Variants in PCDHA4 observed in about 807,000 individuals in gnomAD.
The protein encoded by PCDHA4 is protocadherin alpha-4.
A neutral mutation model predicts 61.4 loss-of-function variants in PCDHA4; 49 were observed. That is an observed-to-expected ratio of 0.80 (90% confidence interval 0.63 to 1.01). The LOEUF (loss-of-function observed/expected upper bound fraction) is 1.01. Ranked by LOEUF, PCDHA4 falls within the 50% of genes least tolerant of loss-of-function variation. The probability of loss-of-function intolerance (pLI) is 0.00; values close to 1 mark genes in which losing one functional copy is unlikely to be tolerated. For missense variants in PCDHA4, 1,254 were observed against 1,235.8 expected (o/e 1.01, Z -0.22); for synonymous variants, 590 against 550.3 (o/e 1.07, Z -1.01).
intron 3 of PCDHA4, among the ~76,000 whole-genome samples, chr5:140,988,690 C>T (rs1286168942): frequency 2.6e-5 from 4 of 152,148 alleles, no homozygotes; most frequent in South Asian, 2.1e-4. Flanking sequence ...TTTCCCTAGA[C>T]GCTCTGTATT....
intron 1 of PCDHA4, chr5:140,841,116 TA>T: frequency 1.6e-6 from 1 of 615,476 alleles, no homozygotes; most frequent in Non-Finnish European, 2.8e-6. Flanking sequence ...GTAATTCATG[TA>T]ATCATTACCT....
chr5:140,996,587 C>T (rs1260417239), intron 3 of PCDHA4, among the ~76,000 whole-genome samples: 4 of 151,994 alleles, frequency 2.6e-5, no homozygotes, highest in South Asian at 2.1e-4. Context: ...TAACAAGGGC[C>T]GCCTCCCCCC....
rs918123295 is a variant in PCDHA4 at position 140,807,354 on chromosome 5, T to C, written c.167T>C (p.Leu56Pro). ...ATCGCGCAGGACCTGGGACTGGAGC[T>C]GGCGGAGCTGGTGCCGCGCCTGTTC... Reference protein sequence around the residue: ...GRIAQDLGLELAELVPRLFRV... With the variant: ...GRIAQDLGLEPAELVPRLFRV... Residue 56 changes from leucine (L) to proline (P), a missense_variant, in exon 1 of 4, where the codon CTG (leucine) becomes CCG (proline). Leu to Pro is a moderately conservative substitution (Grantham distance 98, BLOSUM62 -3). Coordinates refer to ENST00000530339, the MANE Select transcript of PCDHA4 (RefSeq NM_018907.4). The C allele has an allele frequency of 1.2e-6, 2 of 1,610,696 alleles. No individual in the cohort carries two copies. Among genetic ancestry groups the C allele is most frequent in the African/African-American group, 2.7e-5 (2 of 74,298 alleles).
At chr5:140,909,866 A>G (rs1203006388) in intron 1 of PCDHA4, among the ~76,000 whole-genome samples, 2 of 152,212 alleles carry the variant, frequency 1.3e-5, no homozygotes, top group African/African-American at 2.4e-5. Context: ...CCTGGAGTCA[A>G]CGTCAGCTTA....
intron 1 of PCDHA4, chr5:140,835,670 C>G (rs1554135177): frequency 1.2e-6 from 2 of 1,613,852 alleles, no homozygotes; most frequent in East Asian, 2.2e-5. Context: ...CCGCGCGGGA[C>G]GGGGGCTCGC....
intron 1 of PCDHA4, among the ~76,000 whole-genome samples, chr5:140,965,537 A>T (rs528440377): frequency 1.3e-5 from 2 of 152,204 alleles, no homozygotes; most frequent in East Asian, 3.9e-4. Context: ...ATGGAATCCA[A>T]ATTCCAGCCT....
chr5:140,849,692 C>T, intron 1 of PCDHA4: 2 of 1,598,700 alleles, frequency 1.3e-6, no homozygotes, highest in Non-Finnish European at 1.7e-6. Context: ...AGCTGGTGTC[C>T]ACCTACAAGA....
rs192086826 is a variant in PCDHA4, at chr5:140,981,520, G to C, written c.2445-955G>C. ...ACCTGGGAGGCAGAGGTTGCAGTGA[G>C]CTGAGATCGTGCCACTGTACTCCAG... On this transcript the variant is annotated intron_variant, in intron 2 of 3. Coordinates refer to ENST00000530339, the MANE Select transcript of PCDHA4 (RefSeq NM_018907.4). Among the ~76,000 whole-genome samples the C allele has an allele frequency of 3.3e-5, 5 of 152,342 alleles. No homozygotes were observed. The East Asian group carries it at 9.6e-4, about 29-fold the overall frequency.
intron 1 of PCDHA4, chr5:140,869,579 A>T: frequency 8.1e-6 from 13 of 1,614,178 alleles, no homozygotes; most frequent in Non-Finnish European, 1.0e-5. Context: ...GGAGCTTCTG[A>T]TGCTGACATT....
At position 140,835,847 on chromosome 5, in the gene PCDHA4, G is replaced by C. The variant is rs140727991; in HGVS notation, c.2385+26275G>C. 590 of 1,612,226 alleles carry C rather than the reference G, an allele frequency of 3.7e-4. 11 individuals are homozygous for C. The highest frequency in any genetic ancestry group is 6.3e-4 in the Admixed American group (38 of 59,986). On this transcript the variant is annotated intron_variant, in intron 1 of 3. Coordinates refer to ENST00000530339, the MANE Select transcript of PCDHA4 (RefSeq NM_018907.4). ...GGGACGCGGACGCGCAGAAGAACGC[G>C]CTGGTGTCCTACTCGCTGGTGGAGC...
chr5:140,884,155 C>T (rs781815602), intron 1 of PCDHA4: 1 of 1,613,430 alleles, frequency 6.2e-7, no homozygotes, highest in Non-Finnish European at 8.5e-7. Flanking sequence ...TGTACACTGG[C>T]GAGATCAGCA....
Position 140,809,561 on chromosome 5 carries a change from T to C in PCDHA4, c.2374T>C (p.Ser792Pro). The change falls in exon 1 of 4, where the codon TCC becomes CCC. Residue 792 changes from serine to proline, a missense_variant. Ser to Pro is a moderately conservative substitution (Grantham distance 74, BLOSUM62 -1). Transcript: ENST00000530339. ...AGATCAGCTGCAGACAACTGAGGAA[T>C]CCTTTGCAAAGGTTAGTGTATAACA... ...REDQLQTTEESFAKPRQPNPD... is the reference protein window; with the variant it reads ...REDQLQTTEEPFAKPRQPNPD... 2 of 1,608,678 alleles carry C rather than the reference T, an allele frequency of 1.2e-6. No individual in the cohort carries two copies. Among genetic ancestry groups the C allele is most frequent in the Non-Finnish European group, 1.7e-6 (2 of 1,177,212 alleles).
chr5:140,841,219 G>C (rs2150312047), intron 1 of PCDHA4: 33 of 1,437,984 alleles, frequency 2.3e-5, no homozygotes, highest in Admixed American at 4.6e-5. Flanking sequence ...TCTAAAGGCC[G>C]AACAACGGGA....
At chr5:140,989,598 TA>T (rs1554250927) in intron 3 of PCDHA4, among the ~76,000 whole-genome samples, 1 of 152,144 alleles carries the variant, frequency 6.6e-6, no homozygotes, top group Non-Finnish European at 1.5e-5. Flanking sequence ...CTGACACAAG[TA>T]AACTAAAAAT....
At chr5:140,869,161 C>T in intron 1 of PCDHA4, 1 of 1,613,852 alleles carries the variant, frequency 6.2e-7, no homozygotes, top group South Asian at 1.1e-5. Flanking sequence ...CTGGCTTCTC[C>T]TCCTCGAATT....
At chr5:140,881,559 C>G (rs1293330721) in intron 1 of PCDHA4, among the ~76,000 whole-genome samples, 2 of 152,174 alleles carry the variant, frequency 1.3e-5, no homozygotes, top group Admixed American at 6.5e-5. Context: ...ATATAAATAT[C>G]TTATCTACAT....
chr5:140,862,895 T>A, intron 1 of PCDHA4: 1 of 553,854 alleles, frequency 1.8e-6, no homozygotes, highest in South Asian at 1.4e-5. Context: ...ACGACAACTT[T>A]GTCTGCGCTG....
intron 1 of PCDHA4, among the ~76,000 whole-genome samples, chr5:140,888,878 T>G (rs1280508372): frequency 6.6e-6 from 1 of 152,132 alleles, no homozygotes; most frequent in African/African-American, 2.4e-5. Flanking sequence ...ACATAAAAAT[T>G]AAAACATTAG....
intron 1 of PCDHA4, chr5:140,881,257 C>T (rs2058639669): frequency 2.0e-6 from 1 of 512,572 alleles, no homozygotes; most frequent in Non-Finnish European, 2.5e-6. Context: ...CAAGGTTTTA[C>T]TCAGTGATGA....
Sources: gnomAD v4.1 joint callset for allele counts (sites outside exome capture counted in the v4.1 genomes callset) on GRCh38, gnomAD v4.1.1 for gene constraint, MANE v1.5 for transcripts, NCBI Gene and HGNC (gene_info 2026-07-23, HGNC 2026-07-21) for gene names.